ZNF283: variants seen among roughly 807,000 people sequenced by gnomAD.
ZNF283 encodes zinc finger protein 283, also known as zinc finger protein 41.
A neutral mutation model predicts 9.2 loss-of-function variants in ZNF283; 10 were observed. That is an observed-to-expected ratio of 1.09 (90% CI 0.67 to 1.85). The LOEUF is 1.85. Ranked by LOEUF, ZNF283 falls within the 40% of genes most tolerant of loss-of-function variation. ZNF283 has a pLI of 0.00. For synonymous variants in ZNF283, 234 were observed against 244.1 expected, an observed-to-expected ratio of 0.96 and a Z score of 0.38; for missense variants, 631 against 760.1, an observed-to-expected ratio of 0.83 and a Z score of 2.00.
At chr19:43,838,877 C>G (rs1971087514) in intron 6 of ZNF283, among the ~76,000 whole-genome samples, 2 of 152,100 alleles carry the variant, frequency 1.3e-5, no homozygotes, top group Non-Finnish European at 2.9e-5. Context: ...TATGAAATTT[C>G]CCTTGTCTAG....
At chr19:43,838,403 A>T (rs1386591406) in intron 6 of ZNF283, among the ~76,000 whole-genome samples, 1 of 152,138 alleles carries the variant, frequency 6.6e-6, no homozygotes, top group Non-Finnish European at 1.5e-5. Flanking sequence ...AGACGGTTGG[A>T]TCACTTGAGG....
At position 43,848,298 on chromosome 19, in the gene ZNF283, C is replaced by T. The variant is rs2146593077; in HGVS notation, c.1697C>T (p.Thr566Ile). ...YHLTQHQKIH[T>I]GEKPFKCKEC... ...CTTACTCAACATCAGAAAATTCATA[C>T]CGGTGAGAAACCTTTCAAATGTAAG... Residue 566 changes from threonine to isoleucine, a missense_variant, in exon 7 of 7, where the codon ACC (threonine) becomes ATC (isoleucine). This residue lies in a region of ZNF283 where 444 missense variants were observed against 522.5 expected (regional missense o/e 0.85). Coordinates refer to ENST00000618787, the MANE Select transcript of ZNF283 (RefSeq NM_181845.2). 6.2e-7 allele frequency: 1 copy of T among 1,613,214 alleles called. No individual in the cohort carries two copies.
In ZNF283 at chr19:43,837,088, C is replaced by T; in HGVS notation, c.246C>T (p.Phe82=). The change falls in exon 6 of 7, where the codon TTC becomes TTT. Residue 82 remains phenylalanine (F), a synonymous_variant. Transcript: ENST00000618787. The part of the protein sequence containing the change: ...LVTFRDVAID[F]SQEEWECLDP... ...CATTCAGGGATGTGGCCATCGACTTCTCTCAGGAGGAGTGGGAATGCCTGG... is the reference window on the plus strand; with the variant it reads ...CATTCAGGGATGTGGCCATCGACTTTTCTCAGGAGGAGTGGGAATGCCTGG... The T allele has an allele frequency of 6.2e-7, 1 of 1,614,128 alleles. No individual in the cohort carries two copies. The highest frequency in any genetic ancestry group is 8.5e-7 in the Non-Finnish European group (1 of 1,180,006).
At chr19:43,840,078 G>T (rs1412550361) in intron 6 of ZNF283, among the ~76,000 whole-genome samples, 1 of 152,110 alleles carries the variant, frequency 6.6e-6, no homozygotes, top group East Asian at 1.9e-4. Flanking sequence ...ATTTCTGCTT[G>T]TTGAGGGCTG....
intron 6 of ZNF283, among the ~76,000 whole-genome samples, chr19:43,845,563 G>A (rs891430042): frequency 1.3e-5 from 2 of 152,038 alleles, no homozygotes; most frequent in East Asian, 3.8e-4. Context: ...TTTAAAAATA[G>A]TTTAGATGTG....
chr19:43,836,922 A>G, intron 5 of ZNF283, 131 bp from the exon 6 acceptor site: 1 of 960,820 alleles, frequency 1.0e-6, no homozygotes, highest in South Asian at 1.6e-5. Context: ...TCCTACCTAT[A>G]TCAGAGGCTT....
At chr19:43,837,593 T>A in intron 6 of ZNF283, 1 of 254,894 alleles carries the variant, frequency 3.9e-6, no homozygotes, top group Non-Finnish European at 7.4e-6. Context: ...TTTCGTGCAG[T>A]TTACTTTGTA....
At chr19:43,843,743 A>G (rs1207548105) in intron 6 of ZNF283, among the ~76,000 whole-genome samples, 3 of 152,230 alleles carry the variant, frequency 2.0e-5, no homozygotes, top group Admixed American at 1.3e-4. Context: ...TGGATAAAAG[A>G]TTATTCAAAG....
At chr19:43,844,767 C>A (rs17798650) in intron 6 of ZNF283, among the ~76,000 whole-genome samples, 15,497 of 152,034 alleles carry the variant, frequency 0.1, 889 homozygotes, top group East Asian at 0.23. Context: ...GATTTGGGCC[C>A]AAATGTCAGT....
At chr19:43,831,470 C>A (rs1970707302) in intron 3 of ZNF283, 89 bp downstream of exon 3, 2 of 1,048,234 alleles carry the variant, frequency 1.9e-6, no homozygotes, top group Non-Finnish European at 1.4e-6. Context: ...TTCCTCCTGT[C>A]ACTCAGTTTT....
At chr19:43,836,760 A>G (rs1970997799) in intron 5 of ZNF283, among the ~76,000 whole-genome samples, 2 of 152,238 alleles carry the variant, frequency 1.3e-5, no homozygotes, top group Non-Finnish European at 2.9e-5. Flanking sequence ...CTTTTTATAT[A>G]ACAGAGAAGA....
At chr19:43,830,673 C>G (rs1196301645) in intron 2 of ZNF283, among the ~76,000 whole-genome samples, 1 of 151,850 alleles carries the variant, frequency 6.6e-6, no homozygotes, top group Admixed American at 6.6e-5. Flanking sequence ...GAGGCCGAGG[C>G]GGGTGGATCA....
intron 6 of ZNF283, chr19:43,841,434 C>A (rs1472820469): frequency 7.7e-6 from 1 of 129,608 alleles, no homozygotes; most frequent in Admixed American, 7.9e-5. Flanking sequence ...CTAATTTTAT[C>A]TTTTTTTTTT....
At chr19:43,846,872 C>T in intron 6 of ZNF283, 67 bp from the exon 7 acceptor site, 1 of 1,064,678 alleles carries the variant, frequency 9.4e-7, no homozygotes, top group Non-Finnish European at 1.3e-6. Context: ...TTTATTTCTA[C>T]TGTAGTTTTT....
chr19:43,847,673 C>T lies in ZNF283; in HGVS notation c.1072C>T (p.Arg358Cys), dbSNP rs182132083. 9.2e-4 allele frequency: 1,477 copies of T among 1,612,906 alleles called. 35 individuals are homozygous for T. In the Admixed American group the frequency reaches 0.023, roughly 25 times the overall value. ...KCKECGKAFSRGYQLTQHQKI... is the reference protein window; with the variant it reads ...KCKECGKAFSCGYQLTQHQKI... ...TAAAGAATGTGGGAAGGCCTTCAGTCGTGGCTATCAGCTTACTCAGCATCA... is the reference window on the plus strand; with the variant it reads ...TAAAGAATGTGGGAAGGCCTTCAGTTGTGGCTATCAGCTTACTCAGCATCA... The change falls in exon 7 of 7, where the codon CGT becomes TGT. Residue 358 changes from arginine to cysteine, a missense_variant. Physicochemically the swap from Arg to Cys is radical, Grantham distance 180. Transcript: ENST00000618787.
At position 43,835,520 on chromosome 19, in the gene ZNF283, A is replaced by T. The variant is rs760954624; in HGVS notation, c.138A>T (p.Gly46=). 3 of 1,610,458 alleles carry T rather than the reference A, an allele frequency of 1.9e-6. No homozygotes were observed. The highest frequency in any genetic ancestry group is 1.6e-4 in the Middle Eastern group (1 of 6,084). ...CCCTCCCCAGTTCTGGCTTTTCTGG[A>T]TTCTGTGCTTCACCAATAGAGGAAT... ...SSWDYSSGFS[G]FCASPIEESH... The change falls in exon 5 of 7, where the codon GGA becomes GGT. Residue 46 remains glycine (G), a synonymous_variant. Transcript: ENST00000618787.
At chr19:43,829,810 T>C (rs1280311592) in intron 2 of ZNF283, among the ~76,000 whole-genome samples, 1 of 151,948 alleles carries the variant, frequency 6.6e-6, no homozygotes, top group Non-Finnish European at 1.5e-5. Flanking sequence ...GATCACAAGG[T>C]CAGAAGTTCG....
rs562059301 is a variant in ZNF283 at position 43,839,201 on chromosome 19, C to T, written c.337+2022C>T. The stretch of plus-strand genomic sequence containing the variant: ...TAATTTCACCTTTATTCTTAAAGGA[C>T]AGTTTTTGCTGGTATAGAATTCTTG... On this transcript the variant is annotated intron_variant, in intron 6 of 6. Transcript: ENST00000618787. 1.2e-4 allele frequency among the ~76,000 whole-genome samples: 18 copies of T among 150,490 alleles called. No individual in the cohort carries two copies. The South Asian group carries it at 3.6e-3, about 30-fold the overall frequency.
Position 43,847,361 on chromosome 19 carries a change from C to T in ZNF283, c.760C>T (p.Gln254Ter). ...AAGTGCCTATCAACTCAATGTGCAT[C>T]AGAGATTTCATACTGGTGAGAAACC... ...YLSAYQLNVH[Q>*]RFHTGEKPYE... Residue 254 changes from glutamine (Q) to a stop codon, truncating the protein, a stop_gained, in exon 7 of 7, where the codon CAG becomes TAG. Coordinates refer to ENST00000618787, the MANE Select transcript of ZNF283 (RefSeq NM_181845.2). LOFTEE classifies it low-confidence loss of function (END_TRUNC). 1.2e-6 allele frequency: 2 copies of T among 1,613,968 alleles called. No individual in the cohort carries two copies. The highest frequency in any genetic ancestry group is 2.2e-5 in the South Asian group (2 of 91,068).
Sources: gnomAD v4.1 joint callset for allele counts (sites outside exome capture counted in the v4.1 genomes callset) on GRCh38, gnomAD v4.1.1 for gene constraint, gnomAD v4.1.1 regional missense constraint, MANE v1.5 for transcripts, NCBI Gene and HGNC (gene_info 2026-07-23, HGNC 2026-07-21) for gene names.